The following KCNQ1 variants were observed in gnomAD, a reference collection of about 807,000 sequenced individuals.
KCNQ1 encodes potassium voltage-gated channel subfamily Q member 1.
In KCNQ1, 49 loss-of-function variants were observed where a neutral mutation model predicts 72.4. The ratio of observed to expected loss-of-function variants is 0.68; its 90% CI spans 0.54 to 0.86. The LOEUF is 0.86. Among genes scored for constraint, KCNQ1 ranks in the 40% least tolerant of loss-of-function variants. The pLI, the probability that KCNQ1 is intolerant of heterozygous loss-of-function variation, is 0.00. For synonymous variants in KCNQ1, 450 were observed against 412.6 expected (o/e 1.09, Z -1.10); for missense variants, 790 against 945.1 (o/e 0.84, Z 2.15).
At chr11:2,792,542 G>A (rs1224484463) in intron 15 of KCNQ1, among the ~76,000 whole-genome samples, 1 of 152,242 alleles carries the variant, frequency 6.6e-6, no homozygotes, top group African/African-American at 2.4e-5. Context: ...GAGGTTGCAG[G>A]GTGTGCGGGC....
At position 2,486,421 on chromosome 11, in the gene KCNQ1, C is replaced by A. The variant is rs1178123838; in HGVS notation, c.386+40937C>A. Among the ~76,000 whole-genome samples the A allele has an allele frequency of 6.6e-6, 1 of 152,058 alleles. No homozygotes were observed. The highest frequency in any genetic ancestry group is 1.5e-5 in the Non-Finnish European group (1 of 68,020). On this transcript the variant is annotated intron_variant, in intron 1 of 15. Coordinates refer to ENST00000155840, the MANE Select transcript of KCNQ1 (RefSeq NM_000218.3). This position sits in a 1 kb window ranked among gnomAD's most constrained non-coding sequence, Gnocchi z 5.0. ...AATCCCTTATCAGATATAGGATTTG[C>A]AAATATTTTCTCTCATTCTGTGGGG...
At chr11:2,801,102 C>A (rs1847253779) in intron 15 of KCNQ1, among the ~76,000 whole-genome samples, 1 of 152,106 alleles carries the variant, frequency 6.6e-6, no homozygotes, top group East Asian at 1.9e-4. Context: ...GCTGGTGGCC[C>A]AGACAGACTA....
chr11:2,837,199 C>T (rs1848085592), intron 15 of KCNQ1, among the ~76,000 whole-genome samples: 1 of 152,188 alleles, frequency 6.6e-6, no homozygotes, highest in Non-Finnish European at 1.5e-5. Flanking sequence ...CAGGGACAGC[C>T]AAGAGCGCCC....
In KCNQ1 at chr11:2,745,966, T is replaced by C. The variant is rs1196642362; in HGVS notation, c.1515-22878T>C. On this transcript the variant is annotated intron_variant, in intron 11 of 15. Transcript: ENST00000155840. The surrounding 1 kb of genome is among the most constrained non-coding windows in gnomAD (Gnocchi z 6.2). ...GTGCAGTGGTGCGATCTCGGCTCAC[T>C]GCAAACTCCACCTCCCGGGTTCAAG... is the stretch of plus-strand genomic sequence containing the variant. Among the ~76,000 whole-genome samples, 1 of 152,232 alleles carries C rather than the reference T, an allele frequency of 6.6e-6. No individual in the cohort carries two copies. Among genetic ancestry groups the C allele is most frequent in the East Asian group, 1.9e-4 (1 of 5,190 alleles).
chr11:2,648,310 T>C (rs1849699298), intron 10 of KCNQ1: 2 of 398,454 alleles, frequency 5.0e-6, no homozygotes, highest in Admixed American at 4.4e-5. Context: ...TTCCTTCTAA[T>C]TTTAGGTTTG....
intron 15 of KCNQ1, among the ~76,000 whole-genome samples, chr11:2,836,325 G>C (rs1848065395): frequency 6.6e-6 from 1 of 152,200 alleles, no homozygotes; most frequent in South Asian, 2.1e-4. Context: ...CACCCACAGA[G>C]CAGGTGCAGG....
rs1398407637 is a variant in KCNQ1, at chr11:2,769,760, G to A, written c.1590+841G>A. 6.6e-6 allele frequency among the ~76,000 whole-genome samples: 1 copy of A among 152,158 alleles called. No individual in the cohort carries two copies. Among genetic ancestry groups the A allele is most frequent in the Non-Finnish European group, 1.5e-5 (1 of 68,008 alleles). ...ACTTGCCTGAGTCCCTTGGAGCGGGGGGCGTGTGACGTGCTTGAGTGAGTG... is the reference window on the plus strand; with the variant it reads ...ACTTGCCTGAGTCCCTTGGAGCGGGAGGCGTGTGACGTGCTTGAGTGAGTG... On this transcript the variant is annotated intron_variant, in intron 12 of 15. Transcript: ENST00000155840. This position sits in a 1 kb window ranked among gnomAD's most constrained non-coding sequence, Gnocchi z 4.6.
rs1424194741 is a variant in KCNQ1, at chr11:2,464,204, C to A, written c.386+18720C>A. ...CGCAGGCGCTCCCTGGGCCGGAACA[C>A]ATGGACGTCCAGGTGTGGAATGGCC... On this transcript the variant is annotated intron_variant, in intron 1 of 15. Transcript: ENST00000155840. The surrounding 1 kb of genome is among the most constrained non-coding windows in gnomAD (Gnocchi z 5.0). 6.6e-6 allele frequency among the ~76,000 whole-genome samples: 1 copy of A among 152,212 alleles called. No individual in the cohort carries two copies. The highest frequency in any genetic ancestry group is 1.5e-5 in the Non-Finnish European group (1 of 68,030).
At chr11:2,821,645 T>G (rs1847740264) in intron 15 of KCNQ1, among the ~76,000 whole-genome samples, 1 of 152,172 alleles carries the variant, frequency 6.6e-6, no homozygotes, top group South Asian at 2.1e-4. Flanking sequence ...GGGCCTTGCG[T>G]GCTGCCCTTC....
At chr11:2,589,289 A>G (rs1848639693) in intron 10 of KCNQ1, among the ~76,000 whole-genome samples, 1 of 152,052 alleles carries the variant, frequency 6.6e-6, no homozygotes, top group Non-Finnish European at 1.5e-5. Context: ...GGCCCGGGTA[A>G]AACGTGGGGG....
chr11:2,588,901 C>G lies in KCNQ1; in HGVS notation c.1393+47C>G. ...GGGGGCCGCGGGGCCGGGAAGGTCACTGCCTTTTTTGGGAGCCCGAGCAAG... is the reference window on the plus strand; with the variant it reads ...GGGGGCCGCGGGGCCGGGAAGGTCAGTGCCTTTTTTGGGAGCCCGAGCAAG... On this transcript the variant is annotated intron_variant, in intron 10 of 15. Transcript: ENST00000155840. This position sits in a 1 kb window ranked among gnomAD's most constrained non-coding sequence, Gnocchi z 5.6. The G allele has an allele frequency of 1.2e-6, 2 of 1,604,472 alleles. No individual in the cohort carries two copies. The highest frequency in any genetic ancestry group is 1.7e-6 in the Non-Finnish European group (2 of 1,177,702).
intron 15 of KCNQ1, among the ~76,000 whole-genome samples, chr11:2,822,534 G>A (rs941016247): frequency 2.0e-5 from 3 of 152,216 alleles, no homozygotes; most frequent in Admixed American, 6.5e-5. Flanking sequence ...CCTACCTAGG[G>A]TATTAGCAGA....
At position 2,733,814 on chromosome 11, in the gene KCNQ1, A is replaced by ACACACACACACACACACTCT; in HGVS notation, c.1515-35029_1515-35028insACACACACACACACACTCTC. 5.8e-3 allele frequency among the ~76,000 whole-genome samples: 499 copies of ACACACACACACACACACTCT among 86,320 alleles called. 5 individuals are homozygous for ACACACACACACACACACTCT. Among genetic ancestry groups the ACACACACACACACACACTCT allele is most frequent in the Middle Eastern group, 0.014 (2 of 144 alleles). 56.6% of individuals were successfully genotyped at this position (86,320 alleles called of 152,430 possible). On this transcript the variant is annotated intron_variant, in intron 11 of 15. Transcript: ENST00000155840. ...CACACACACACACACACACACACAC[A>ACACACACACACACACACTCT]CTCTCTCACTCTCTCTCTCTCTCTC...
chr11:2,707,242 C>A (rs1850926071), intron 11 of KCNQ1, among the ~76,000 whole-genome samples: 1 of 152,186 alleles, frequency 6.6e-6, no homozygotes, highest in South Asian at 2.1e-4. Context: ...TTTCTCTTAT[C>A]CCTGGGTCTT....
At chr11:2,582,977 C>T (rs1223345458) in intron 6 of KCNQ1, among the ~76,000 whole-genome samples, 2 of 152,124 alleles carry the variant, frequency 1.3e-5, no homozygotes, top group Non-Finnish European at 1.5e-5. Flanking sequence ...CATCTGGTGC[C>T]CTGGAGTGGC....
chr11:2,662,238 C>A, intron 11 of KCNQ1, 157 bp downstream of exon 11: 1 of 925,766 alleles, frequency 1.1e-6, no homozygotes, highest in South Asian at 1.6e-5. Flanking sequence ...ACGGAGGCAC[C>A]AGGCAAGAGA....
intron 11 of KCNQ1, chr11:2,699,650 G>GCCGAAGAACCCCCGGGGACAACCGCC (rs1850751624): frequency 2.8e-6 from 1 of 358,564 alleles, no homozygotes; most frequent in Non-Finnish European, 5.0e-6. Flanking sequence ...GGACAACCGC[G>GCCGAAGAACCCCCGGGGACAACCGCC]CCGAAGAACC....
intron 1 of KCNQ1, chr11:2,521,495 A>C (rs777414992): frequency 6.4e-6 from 3 of 469,858 alleles, no homozygotes; most frequent in Non-Finnish European, 8.8e-6. Context: ...GAAATTAAGC[A>C]TACGGTCACG....
chr11:2,469,737 G>C (rs932326877), intron 1 of KCNQ1, among the ~76,000 whole-genome samples: 1 of 150,996 alleles, frequency 6.6e-6, no homozygotes, highest in South Asian at 2.1e-4. Flanking sequence ...GCAGTGGCGC[G>C]ATCTCGGCTC....
Sources: gnomAD v4.1 joint callset for allele counts (sites outside exome capture counted in the v4.1 genomes callset) on GRCh38, gnomAD v4.1.1 for gene constraint, Gnocchi (gnomAD v3.1) non-coding constraint, MANE v1.5 for transcripts, NCBI Gene and HGNC (gene_info 2026-07-23, HGNC 2026-07-21) for gene names.